Variants in PAM observed in about 807,000 individuals in gnomAD.
PAM encodes the protein peptidyl-glycine alpha-amidating monooxygenase.
Under a neutral mutation model 122.1 loss-of-function variants are expected in PAM, and 72 were observed. The observed-to-expected ratio is 0.59, with a 90% CI of 0.49 to 0.72. The LOEUF (loss-of-function observed/expected upper bound fraction) is 0.72, where lower values mean the gene tolerates loss of function less well. Among genes scored for constraint, PAM ranks in the 30% least tolerant of loss-of-function variants. The probability of loss-of-function intolerance (pLI) is 0.00; values close to 1 mark genes in which losing one functional copy is unlikely to be tolerated. For missense variants in PAM, 1,106 were observed against 1,183.7 expected (o/e 0.93, Z 0.96); for synonymous variants, 389 against 404.4 (o/e 0.96, Z 0.46).
intron 1 of PAM, among the ~76,000 whole-genome samples, chr5:102,808,617 A>T (rs921948011): frequency 2.0e-5 from 3 of 152,240 alleles, no homozygotes; most frequent in Non-Finnish European, 4.4e-5. Flanking sequence ...GGCATTTGAT[A>T]TGTTTTACCC....
intron 4 of PAM, among the ~76,000 whole-genome samples, chr5:102,903,594 A>G (rs1417237132): frequency 6.6e-6 from 1 of 151,480 alleles, no homozygotes; most frequent in African/African-American, 2.4e-5. Context: ...GACCGTTACC[A>G]TCATCTCTAC....
At chr5:102,983,488 AT>A (rs1770645903) in intron 15 of PAM, among the ~76,000 whole-genome samples, 2 of 151,926 alleles carry the variant, frequency 1.3e-5, no homozygotes, top group South Asian at 2.1e-4. Flanking sequence ...AAGAAAAAAA[AT>A]ATTTAAAAAT....
At chr5:102,869,406 C>T (rs1033439938) in intron 3 of PAM, among the ~76,000 whole-genome samples, 5 of 152,240 alleles carry the variant, frequency 3.3e-5, no homozygotes, top group East Asian at 3.9e-4. Flanking sequence ...TGCTTGGTGA[C>T]GTCACTACTT....
At chr5:102,977,927 C>T (rs1014377946) in intron 15 of PAM, among the ~76,000 whole-genome samples, 3 of 152,052 alleles carry the variant, frequency 2.0e-5, no homozygotes, top group Admixed American at 6.6e-5. Flanking sequence ...GTATACTCCT[C>T]GCAGAGTTCA....
chr5:102,874,789 A>G (rs1383934252), intron 3 of PAM, among the ~76,000 whole-genome samples: 2 of 152,044 alleles, frequency 1.3e-5, no homozygotes, highest in Non-Finnish European at 2.9e-5. Flanking sequence ...CTTAGTGAGT[A>G]TTCATTATGT....
In PAM at chr5:102,867,306, A is replaced by G; in HGVS notation, c.123A>G (p.Glu41=). 1 of 1,603,340 alleles carries G rather than the reference A, an allele frequency of 6.2e-7. No individual in the cohort carries two copies. The highest frequency in any genetic ancestry group is 8.5e-7 in the Non-Finnish European group (1 of 1,170,426). ...AAACTACCAGACCATTTTCCAATGAATGTCTTGGTACCACCAGACCCGTAG... is the reference window on the plus strand; with the variant it reads ...AAACTACCAGACCATTTTCCAATGAGTGTCTTGGTACCACCAGACCCGTAG... ...FKETTRPFSN[E]CLGTTRPVVP... is the part of the protein sequence containing the mutation. The change falls in exon 3 of 26, where the codon GAA becomes GAG. Residue 41 remains glutamate (E), a synonymous_variant. Transcript: ENST00000438793.
At chr5:102,896,273 G>A (rs929462842) in intron 3 of PAM, among the ~76,000 whole-genome samples, 1 of 151,590 alleles carries the variant, frequency 6.6e-6, no homozygotes, top group Non-Finnish European at 1.5e-5. Context: ...GAACTACTTG[G>A]TGTTGAGATT....
chr5:102,867,327 C>A lies in PAM; in HGVS notation c.144C>A (p.Pro48=). The A allele has an allele frequency of 1.2e-6, 2 of 1,600,344 alleles. No individual in the cohort carries two copies. The highest frequency in any genetic ancestry group is 1.1e-5 in the South Asian group (1 of 90,794). ...FSNECLGTTR[P]VVPIDSSDFA... ...ATGAATGTCTTGGTACCACCAGACC[C>A]GTAGTTCCTATTGATTCATCAGATT... Residue 48 remains proline, a synonymous_variant, in exon 3 of 26, where the codon CCC becomes CCA. Coordinates refer to ENST00000438793, the MANE Select transcript of PAM (RefSeq NM_001177306.2).
rs61367764 is a variant in PAM at position 102,882,052 on chromosome 5, AATATATATATATATATAT to A, written c.210+14701_210+14718del. 4.6e-3 allele frequency among the ~76,000 whole-genome samples: 287 copies of A among 61,980 alleles called. 4 individuals are homozygous for A. The highest frequency in any genetic ancestry group is 0.011 in the South Asian group (13 of 1,220). 40.7% of individuals were successfully genotyped at this position (61,980 alleles called of 152,430 possible). A position where few individuals can be genotyped will look rare whatever the true frequency, so the allele number is the denominator to read the frequency against. Reference sequence around the variant, plus strand: ...GTGGCTGAGTAGTATTCCATCGTGGAATATATATATATATATATATATATATATATATATATATATATA... The same window carrying A: ...GTGGCTGAGTAGTATTCCATCGTGGAATATATATATATATATATATATATA... On this transcript the variant is annotated intron_variant, in intron 3 of 25. Transcript: ENST00000438793.
intron 7 of PAM, among the ~76,000 whole-genome samples, chr5:102,932,392 G>T (rs1751836505): frequency 6.6e-6 from 1 of 151,916 alleles, no homozygotes; most frequent in Non-Finnish European, 1.5e-5. Flanking sequence ...AGAGACTGAG[G>T]CAGGAAAATC....
chr5:102,754,905 T>C (rs569336635), upstream of PAM: 9 of 152,416 alleles, frequency 5.9e-5, no homozygotes, highest in South Asian at 1.2e-3. Context: ...CCCGGGGCAC[T>C]TGGGCAAGAG....
chr5:102,780,776 TTTCTTTC>T (rs1758619797), intron 1 of PAM, among the ~76,000 whole-genome samples: 1 of 128,602 alleles, frequency 7.8e-6, no homozygotes, highest in Admixed American at 7.9e-5. Context: ...TCTTTCTTTC[TTTCTTTC>T]TTTCTTTCTT....
intron 1 of PAM, among the ~76,000 whole-genome samples, chr5:102,813,280 T>A (rs1221496711): frequency 6.6e-6 from 1 of 152,208 alleles, no homozygotes; most frequent in African/African-American, 2.4e-5. Flanking sequence ...TCTTGGTCAG[T>A]GGGCGTGGAT....
At chr5:102,815,226 C>T (rs1275456819) in intron 1 of PAM, among the ~76,000 whole-genome samples, 3 of 151,648 alleles carry the variant, frequency 2.0e-5, no homozygotes, top group Non-Finnish European at 4.4e-5. Context: ...AGATAGTGGG[C>T]AGAAGGAAAG....
chr5:102,805,127 G>GATCACAC (rs1213896944), intron 1 of PAM, among the ~76,000 whole-genome samples: 10 of 144,588 alleles, frequency 6.9e-5, no homozygotes, highest in Non-Finnish European at 1.2e-4. Context: ...CTGGAGTGCA[G>GATCACAC]TAGTGTGATC....
chr5:102,856,707 T>G (rs1355671870), intron 1 of PAM, among the ~76,000 whole-genome samples: 1 of 152,124 alleles, frequency 6.6e-6, no homozygotes, highest in Non-Finnish European at 1.5e-5. Flanking sequence ...AAAAATAAAA[T>G]AAAATAAAAT....
At chr5:102,981,425 A>G (rs2150581735) in intron 15 of PAM, among the ~76,000 whole-genome samples, 1 of 152,320 alleles carries the variant, frequency 6.6e-6, no homozygotes, top group African/African-American at 2.4e-5. Flanking sequence ...ATTTTCATTG[A>G]GTATTCTCAT....
chr5:102,963,771 G>T (rs1763215584), intron 14 of PAM, among the ~76,000 whole-genome samples: 1 of 151,602 alleles, frequency 6.6e-6, no homozygotes, highest in Admixed American at 6.6e-5. Context: ...AAGTGATGTA[G>T]ATAGTTCCAC....
At chr5:102,801,674 G>A (rs1052288877) in intron 1 of PAM, among the ~76,000 whole-genome samples, 1 of 150,980 alleles carries the variant, frequency 6.6e-6, no homozygotes, top group Non-Finnish European at 1.5e-5. Flanking sequence ...CCCCTCTTAT[G>A]CTTCCTTTTA....
Sources: allele counts gnomAD v4.1 joint callset (sites outside exome capture counted in the v4.1 genomes callset), GRCh38; gene constraint gnomAD v4.1.1; transcripts MANE v1.5; gene names NCBI Gene and HGNC (gene_info 2026-07-23, HGNC 2026-07-21).